TMEM98: variants seen among roughly 807,000 people sequenced by gnomAD.
TMEM98 encodes transmembrane protein 98.
In TMEM98, 18 loss-of-function variants were observed where a neutral mutation model predicts 25.0. The ratio of observed to expected loss-of-function variants is 0.72; its 90% CI spans 0.50 to 1.07. TMEM98 has a LOEUF of 1.07. Among genes scored for constraint, TMEM98 ranks in the 50% least tolerant of loss-of-function variants. The pLI is 0.00. For synonymous variants in TMEM98, 103 were observed against 112.4 expected, an observed-to-expected ratio of 0.92 and a Z score of 0.53; for missense variants, 241 against 289.0, an observed-to-expected ratio of 0.83 and a Z score of 1.20.
rs1243823179 is a variant in TMEM98, at chr17:32,931,559, G to C, written c.31G>C (p.Val11Leu). METVVIVAIG[V>L]LATIFLASFA... ...GACTGTGGTGATTGTTGCCATAGGT[G>C]TGCTGGCCACCATCTTTCTGGCTTC... Residue 11 changes from valine to leucine, a missense_variant, in exon 3 of 8, where the codon GTG becomes CTG. Val to Leu is a conservative substitution (Grantham distance 32). Transcript: ENST00000579849. 1.2e-6 allele frequency: 2 copies of C among 1,605,316 alleles called. No individual in the cohort carries two copies. The highest frequency in any genetic ancestry group is 1.7e-6 in the Non-Finnish European group (2 of 1,176,264).
intron 5 of TMEM98, among the ~76,000 whole-genome samples, chr17:32,935,836 G>C (rs29011): frequency 6.6e-6 from 1 of 152,104 alleles, no homozygotes; most frequent in African/African-American, 2.4e-5. Context: ...TTCATCATCA[G>C]CTTGATAAAC....
intron 3 of TMEM98, among the ~76,000 whole-genome samples, chr17:32,932,227 C>T (rs761917938): frequency 2.6e-5 from 4 of 151,564 alleles, no homozygotes; most frequent in South Asian, 2.1e-4. Context: ...CAGCCTCCCA[C>T]GTAGCTGGGA....
chr17:32,930,454 C>A (rs1009478697), intron 1 of TMEM98, among the ~76,000 whole-genome samples: 1 of 152,148 alleles, frequency 6.6e-6, no homozygotes, highest in African/African-American at 2.4e-5. Context: ...TAAAAGAATT[C>A]TATGAGAAAA....
chr17:32,932,067 A>T (rs2091472554), intron 3 of TMEM98, among the ~76,000 whole-genome samples: 2 of 146,330 alleles, frequency 1.4e-5, no homozygotes, highest in South Asian at 2.2e-4. Flanking sequence ...ATCCCAACTT[A>T]GGACTGTTTC....
chr17:32,939,669 T>C, intron 7 of TMEM98, 133 bp downstream of exon 7: 2 of 1,048,680 alleles, frequency 1.9e-6, no homozygotes, highest in Non-Finnish European at 2.9e-6. Context: ...GCCCGGGCCA[T>C]GCGTGCCATT....
chr17:32,940,274 ACTC>A (rs2091521702), intron 7 of TMEM98, among the ~76,000 whole-genome samples: 1 of 151,044 alleles, frequency 6.6e-6, no homozygotes, highest in Non-Finnish European at 1.5e-5. Context: ...TGAAAAATCT[ACTC>A]CTCACTTTGG....
chr17:32,937,963 C>T (rs1280644277), intron 6 of TMEM98, among the ~76,000 whole-genome samples: 1 of 152,114 alleles, frequency 6.6e-6, no homozygotes, highest in African/African-American at 2.4e-5. Context: ...TTTGTGCCTT[C>T]TAAGAGCCAC....
chr17:32,936,748 C>G (rs1246867905), intron 6 of TMEM98, among the ~76,000 whole-genome samples: 1 of 152,202 alleles, frequency 6.6e-6, no homozygotes, highest in Non-Finnish European at 1.5e-5. Context: ...GTGGCCGCCC[C>G]TCTTACCCAG....
chr17:32,928,731 CTT>C (rs895025684), intron 1 of TMEM98, among the ~76,000 whole-genome samples: 2 of 151,282 alleles, frequency 1.3e-5, no homozygotes, highest in South Asian at 2.1e-4. Context: ...GAGAAGCACA[CTT>C]AAGATAAACA....
rs2091533676 is a variant in TMEM98, at chr17:32,942,027, G to C, written c.*1034G>C. ...ACTGCATTCCAGCCTGGGCGACAGA[G>C]TGAGACCATGTCTCCAAAACATACA... On this transcript the variant is annotated 3_prime_UTR_variant, in exon 8 of 8. Coordinates refer to ENST00000579849, the MANE Select transcript of TMEM98 (RefSeq NM_015544.3). 1 of 152,164 alleles carries C rather than the reference G, an allele frequency of 6.6e-6. No homozygotes were observed. Among genetic ancestry groups the C allele is most frequent in the African/African-American group, 2.4e-5 (1 of 41,424 alleles). The allele number at this position is 152,164 out of a possible 1,614,324, so 9.4% of individuals were successfully genotyped here. A position where few individuals can be genotyped will look rare whatever the true frequency, so the allele number is the denominator to read the frequency against.
chr17:32,933,358 G>A, intron 4 of TMEM98, 53 bp downstream of exon 4: 1 of 1,610,498 alleles, frequency 6.2e-7, no homozygotes, highest in Non-Finnish European at 8.5e-7. Context: ...GATGCCCTTT[G>A]CTGGTGTCCT....
At chr17:32,931,161 G>GCA in intron 1 of TMEM98, 166 bp from the exon 2 acceptor site, 1 of 174,018 alleles carries the variant, frequency 5.7e-6, no homozygotes, top group Non-Finnish European at 1.2e-5. Flanking sequence ...CTGAGATCGT[G>GCA]CCATTGCACT....
At chr17:32,939,774 T>C (rs1003787954) in intron 7 of TMEM98, among the ~76,000 whole-genome samples, 4 of 152,250 alleles carry the variant, frequency 2.6e-5, no homozygotes, top group African/African-American at 9.6e-5. Flanking sequence ...TAAATTGTTA[T>C]GATTAGACTT....
chr17:32,939,360 T>C (rs1347706558), intron 6 of TMEM98, 117 bp from the exon 7 acceptor site: 2 of 1,018,452 alleles, frequency 2.0e-6, no homozygotes, highest in Admixed American at 4.4e-5. Flanking sequence ...TGAGCTGAGA[T>C]AGCACCACTG....
chr17:32,937,255 C>T (rs770808799), intron 6 of TMEM98, among the ~76,000 whole-genome samples: 6 of 152,188 alleles, frequency 3.9e-5, no homozygotes, highest in Admixed American at 6.5e-5. Context: ...CAGGGGCCCA[C>T]ACGTTCCTTG....
intron 1 of TMEM98, among the ~76,000 whole-genome samples, chr17:32,929,614 C>T (rs2091455374): frequency 6.6e-6 from 1 of 152,234 alleles, no homozygotes; most frequent in African/African-American, 2.4e-5. Flanking sequence ...CCCCCACCTA[C>T]CTCTCACAAA....
At chr17:32,934,901 A>G (rs1297785180) in intron 5 of TMEM98, among the ~76,000 whole-genome samples, 1 of 152,170 alleles carries the variant, frequency 6.6e-6, no homozygotes, top group African/African-American at 2.4e-5. Flanking sequence ...TCCAATTTGC[A>G]TTTTGGGTAA....
chr17:32,934,558 C>T (rs2091486364), intron 5 of TMEM98, among the ~76,000 whole-genome samples: 1 of 152,162 alleles, frequency 6.6e-6, no homozygotes, highest in Non-Finnish European at 1.5e-5. Context: ...ATTCAATGAC[C>T]TGTGGGAAAG....
intron 1 of TMEM98, among the ~76,000 whole-genome samples, chr17:32,928,798 AAC>A (rs540657312): frequency 4.6e-4 from 68 of 146,750 alleles, no homozygotes; most frequent in South Asian, 2.7e-3. Context: ...CACACTCAGA[AAC>A]ACACGCACTC....
Sources: gnomAD v4.1 joint callset for allele counts (sites outside exome capture counted in the v4.1 genomes callset) on GRCh38, gnomAD v4.1.1 for gene constraint, MANE v1.5 for transcripts, NCBI Gene and HGNC (gene_info 2026-07-23, HGNC 2026-07-21) for gene names.